The following GLIS3 variants were observed in gnomAD, a reference collection of about 807,000 sequenced individuals.
The protein encoded by GLIS3 is GLIS family zinc finger 3, also known as zinc finger protein GLIS3.
In GLIS3, 53 loss-of-function variants were observed where a neutral mutation model predicts 78.6. That is an observed-to-expected ratio of 0.67 (90% CI 0.54 to 0.85). The LOEUF (loss-of-function observed/expected upper bound fraction) is 0.85, where lower values mean the gene tolerates loss of function less well. Among genes scored for constraint, GLIS3 ranks in the 40% least tolerant of loss-of-function variants. GLIS3 has a pLI of 0.00. For synonymous variants in GLIS3, 684 were observed against 509.9 expected (o/e 1.34, Z -4.60); for missense variants, 1,703 against 1,231.1 (o/e 1.38, Z -5.74).
At chr9:4,321,851 G>A (rs1817534246) in intron 2 of GLIS3, among the ~76,000 whole-genome samples, 1 of 151,928 alleles carries the variant, frequency 6.6e-6, no homozygotes, top group South Asian at 2.1e-4. Flanking sequence ...TGGGATTATA[G>A]GTGTACACTA....
chr9:4,337,519 C>G, intron 2 of GLIS3, among the ~76,000 whole-genome samples: 1 of 152,138 alleles, frequency 6.6e-6, no homozygotes, highest in Middle Eastern at 3.2e-3. Context: ...TTTCTATGTA[C>G]TCTACAATGA....
the GLIS3 span, among the ~76,000 whole-genome samples, chr9:4,427,499 T>G: frequency 2.0e-5 from 3 of 152,146 alleles, no homozygotes; most frequent in African/African-American, 7.2e-5. Context: ...TGAAGCCCAG[T>G]CCCAGATAAC....
intron 2 of GLIS3, among the ~76,000 whole-genome samples, chr9:4,285,276 A>G (rs1827891558): frequency 1.3e-5 from 2 of 152,232 alleles, no homozygotes; most frequent in Admixed American, 6.5e-5. Flanking sequence ...AACCTCATTA[A>G]TTCAACATCA....
At chr9:4,121,390 C>A (rs1249253719) in intron 3 of GLIS3, among the ~76,000 whole-genome samples, 1 of 152,012 alleles carries the variant, frequency 6.6e-6, no homozygotes, top group Non-Finnish European at 1.5e-5. Context: ...TTTTATCTTC[C>A]CAGTGCCTGC....
At chr9:4,412,355 G>A in the GLIS3 span, among the ~76,000 whole-genome samples, 1 of 152,196 alleles carries the variant, frequency 6.6e-6, no homozygotes, top group Non-Finnish European at 1.5e-5. Flanking sequence ...TGGCGCCTAA[G>A]TTTAGATCTT....
chr9:3,834,661 G>T (rs1363728603), intron 9 of GLIS3, among the ~76,000 whole-genome samples: 2 of 152,076 alleles, frequency 1.3e-5, no homozygotes, highest in African/African-American at 4.8e-5. Context: ...ATAATCTTAG[G>T]CTCCTGGCCT....
chr9:4,197,741 G>A (rs1466837501), intron 2 of GLIS3, among the ~76,000 whole-genome samples: 2 of 152,186 alleles, frequency 1.3e-5, no homozygotes, highest in African/African-American at 4.8e-5. Context: ...CTGCCAGTGA[G>A]CAAGGACACC....
upstream of GLIS3, among the ~76,000 whole-genome samples, chr9:4,305,005 G>C (rs866456336): frequency 6.6e-6 from 1 of 152,066 alleles, no homozygotes; most frequent in African/African-American, 2.4e-5. Context: ...CTTCAGGCTG[G>C]GGACACTGCC....
chr9:4,449,166 T>C, the GLIS3 span, among the ~76,000 whole-genome samples: 3 of 152,216 alleles, frequency 2.0e-5, no homozygotes, highest in African/African-American at 7.2e-5. Flanking sequence ...CAGGAGATTA[T>C]ATACCATGCA....
intron 4 of GLIS3, among the ~76,000 whole-genome samples, chr9:4,060,530 G>C (rs988443693): frequency 5.9e-5 from 9 of 152,166 alleles, no homozygotes; most frequent in African/African-American, 2.2e-4. Context: ...CTGCCCTCAT[G>C]AATGATGGGT....
chr9:4,465,060 T>C, the GLIS3 span, among the ~76,000 whole-genome samples: 23 of 152,244 alleles, frequency 1.5e-4, no homozygotes, highest in Non-Finnish European at 2.8e-4. Context: ...AACTCTGCTT[T>C]ATATTTGCAT....
the GLIS3 span, among the ~76,000 whole-genome samples, chr9:4,435,818 A>C: frequency 6.6e-6 from 1 of 152,100 alleles, no homozygotes; most frequent in Non-Finnish European, 1.5e-5. Context: ...GCGTGGTGGC[A>C]GGCTCCTGTA....
chr9:4,224,729 T>C (rs1313955226), intron 2 of GLIS3, among the ~76,000 whole-genome samples: 4 of 151,706 alleles, frequency 2.6e-5, no homozygotes, highest in Non-Finnish European at 4.4e-5. Context: ...CTGTTTTTTT[T>C]TTTTTATTTC....
the GLIS3 span, among the ~76,000 whole-genome samples, chr9:4,402,521 C>A: frequency 6.6e-6 from 1 of 152,004 alleles, no homozygotes; most frequent in African/African-American, 2.4e-5. Flanking sequence ...AGATATGTGA[C>A]CTAGCAGAGA....
the GLIS3 span, among the ~76,000 whole-genome samples, chr9:4,421,950 A>C: frequency 7.2e-5 from 11 of 152,208 alleles, no homozygotes; most frequent in African/African-American, 2.7e-4. Flanking sequence ...TCTCTAACTG[A>C]AATTTAGCAT....
At position 4,198,197 on chromosome 9, in the gene GLIS3, G is replaced by T. The variant is rs189069457; in HGVS notation, c.389-72256C>A. On this transcript the variant is annotated intron_variant, in intron 2 of 10. Transcript: ENST00000381971. ...ATGGCAGATAAAGAATTCAAAGCATGGATTGCAAGCAAGCTCAATGAGATC... is the reference window on the plus strand; with the variant it reads ...ATGGCAGATAAAGAATTCAAAGCATTGATTGCAAGCAAGCTCAATGAGATC... Among the ~76,000 whole-genome samples, 4 of 152,114 alleles carry T rather than the reference G, an allele frequency of 2.6e-5. No individual in the cohort carries two copies. The East Asian group carries it at 7.7e-4, about 29-fold the overall frequency.
chr9:3,980,710 T>C (rs113971244), intron 4 of GLIS3, among the ~76,000 whole-genome samples: 17 of 152,334 alleles, frequency 1.1e-4, no homozygotes, highest in African/African-American at 3.8e-4. Flanking sequence ...AAACACTAAA[T>C]ACAAGGTAAA....
chr9:3,890,478 A>C (rs10758530), intron 7 of GLIS3, among the ~76,000 whole-genome samples: 2 of 152,032 alleles, frequency 1.3e-5, no homozygotes, highest in African/African-American at 4.8e-5. Flanking sequence ...TTCACAATTA[A>C]TAATCCAACA....
At chr9:4,421,544 T>C in the GLIS3 span, among the ~76,000 whole-genome samples, 7 of 152,206 alleles carry the variant, frequency 4.6e-5, no homozygotes, top group Admixed American at 1.3e-4. Context: ...TCAGTGTTAG[T>C]TGTGGGTGAG....
Sources: allele counts gnomAD v4.1 joint callset (sites outside exome capture counted in the v4.1 genomes callset), GRCh38; gene constraint gnomAD v4.1.1; transcripts MANE v1.5; gene names NCBI Gene and HGNC (gene_info 2026-07-23, HGNC 2026-07-21).